The following PCDHA2 variants were observed in gnomAD, a reference collection of about 807,000 sequenced individuals.
The protein encoded by PCDHA2 is protocadherin alpha 2.
A neutral mutation model predicts 66.0 loss-of-function variants in PCDHA2; 58 were observed. That is an observed-to-expected ratio of 0.88 (90% CI 0.71 to 1.09). PCDHA2 has a LOEUF of 1.09. PCDHA2 is among the 50% of genes least tolerant of loss of function. PCDHA2 has a pLI of 0.00. For synonymous variants in PCDHA2, 634 were observed against 554.0 expected, an observed-to-expected ratio of 1.14 and a Z score of -2.03; for missense variants, 1,267 against 1,242.3, an observed-to-expected ratio of 1.02 and a Z score of -0.30.
chr5:140,877,507 T>G, intron 1 of PCDHA2: 1 of 1,613,744 alleles, frequency 6.2e-7, no homozygotes, highest in Non-Finnish European at 8.5e-7. Flanking sequence ...CCCAAAGACG[T>G]CGTCGCGGGC....
chr5:140,803,627 T>C (rs782685933), intron 1 of PCDHA2: 7 of 1,613,964 alleles, frequency 4.3e-6, no homozygotes, highest in Admixed American at 3.3e-5. Context: ...CAAAATGTCT[T>C]TGTTTTTCAT....
At chr5:140,803,243 G>C in intron 1 of PCDHA2, 1 of 1,613,826 alleles carries the variant, frequency 6.2e-7, no homozygotes, top group Non-Finnish European at 8.5e-7. Flanking sequence ...CGTCCCAGGC[G>C]TCCGCTGGCG....
intron 1 of PCDHA2, chr5:140,828,532 G>A (rs1239720499): frequency 6.2e-7 from 1 of 1,614,280 alleles, no homozygotes; most frequent in African/African-American, 1.3e-5. Context: ...AATCTAGGCT[G>A]CCAGATTCTG....
intron 1 of PCDHA2, chr5:140,884,110 G>A: frequency 6.2e-7 from 1 of 1,613,438 alleles, no homozygotes; most frequent in Non-Finnish European, 8.5e-7. Flanking sequence ...TGCAGCTGGC[G>A]GCGGTCGGCG....
At chr5:140,885,313 A>G (rs2060560221) in intron 1 of PCDHA2, among the ~76,000 whole-genome samples, 1 of 152,144 alleles carries the variant, frequency 6.6e-6, no homozygotes, top group East Asian at 1.9e-4. Flanking sequence ...GCTTTTTGTT[A>G]TTATTTCTTT....
At chr5:140,829,903 C>T (rs2150177416) in intron 1 of PCDHA2, 3 of 1,613,978 alleles carry the variant, frequency 1.9e-6, no homozygotes, top group Non-Finnish European at 1.7e-6. Flanking sequence ...CAGGCTACAA[C>T]GCGTGGCTTT....
chr5:140,934,925 A>G (rs2090105619), intron 1 of PCDHA2, among the ~76,000 whole-genome samples: 1 of 152,196 alleles, frequency 6.6e-6, no homozygotes, highest in African/African-American at 2.4e-5. Context: ...ATTCACATAA[A>G]GTTACAAAAC....
intron 3 of PCDHA2, among the ~76,000 whole-genome samples, chr5:141,000,414 TA>T (rs1441995674): frequency 2.8e-4 from 28 of 99,544 alleles, no homozygotes; most frequent in African/African-American, 3.7e-4. Flanking sequence ...TATATATATA[TA>T]TATATATTTT....
chr5:140,996,172 C>G (rs1694773459), intron 3 of PCDHA2, among the ~76,000 whole-genome samples: 1 of 152,210 alleles, frequency 6.6e-6, no homozygotes, highest in African/African-American at 2.4e-5. Flanking sequence ...AATGTGCTGA[C>G]AGCACCTCCA....
rs2150168385 is a variant in PCDHA2 at position 140,829,460 on chromosome 5, C to T, written c.2388+32108C>T. On this transcript the variant is annotated intron_variant, in intron 1 of 3. Transcript: ENST00000526136. ...GAATGACAATGCTCCGGCGTTCGCG[C>T]AGCCCGAGTACACAGTGTTCGTGAA... 20 of 1,613,778 alleles carry T rather than the reference C, an allele frequency of 1.2e-5. No homozygotes were observed. The African/African-American group carries it at 2.5e-4, about 20-fold the overall frequency.
chr5:140,802,460 T>A, intron 1 of PCDHA2: 1 of 1,614,154 alleles, frequency 6.2e-7, no homozygotes, highest in Non-Finnish European at 8.5e-7. Context: ...TGTCGGCCTA[T>A]GAGCTGGTGG....
chr5:140,871,257 G>C (rs374337862), intron 1 of PCDHA2: 21 of 1,613,824 alleles, frequency 1.3e-5, no homozygotes, highest in East Asian at 2.2e-5. Context: ...TGCTGTATAC[G>C]GCGCTGTGGT....
At chr5:140,973,398 C>G (rs2096585734) in intron 1 of PCDHA2, among the ~76,000 whole-genome samples, 1 of 152,230 alleles carries the variant, frequency 6.6e-6, no homozygotes, top group East Asian at 1.9e-4. Flanking sequence ...GAAATCATAT[C>G]TATGAGCTTC....
At position 140,881,397 on chromosome 5, in the gene PCDHA2, T is replaced by C. The variant is rs571341331; in HGVS notation, c.2388+84045T>C. On this transcript the variant is annotated intron_variant, in intron 1 of 3. Transcript: ENST00000526136. ...CAGCCGGCGGCGGTAAGTTAAATTC[T>C]ATTAAATCAATAGGATATTAGTTCC... 20 of 979,006 alleles carry C rather than the reference T, an allele frequency of 2.0e-5. No homozygotes were observed. In the African/African-American group the frequency reaches 3.5e-4, roughly 17 times the overall value. 60.6% of individuals were successfully genotyped at this position (979,006 alleles called of 1,614,324 possible). A position where few individuals can be genotyped will look rare whatever the true frequency, so the allele number is the denominator to read the frequency against.
At chr5:140,990,022 G>C (rs891983888) in intron 3 of PCDHA2, among the ~76,000 whole-genome samples, 1 of 152,156 alleles carries the variant, frequency 6.6e-6, no homozygotes, top group Non-Finnish European at 1.5e-5. Flanking sequence ...GCTAGGCAAA[G>C]GATGGGAGAA....
chr5:140,846,369 CTTTCTTTTT>C lies in PCDHA2; in HGVS notation c.2388+49021_2388+49029del, dbSNP rs1780378875. Among the ~76,000 whole-genome samples the C allele has an allele frequency of 1.9e-4, 19 of 102,176 alleles. 2 individuals are homozygous for C. In the South Asian group the frequency reaches 2.3e-3, roughly 12 times the overall value. The allele number at this position is 102,176 out of a possible 152,430, so 67.0% of individuals were successfully genotyped here. On this transcript the variant is annotated intron_variant, in intron 1 of 3. Transcript: ENST00000526136. ...TTCTCTTTTTTCTTTTCTTTTCTTT[CTTTCTTTTT>C]TTTTTTTTTTTTTTGAGACGGAGTC...
intron 1 of PCDHA2, chr5:140,817,098 T>C (rs1766065585): frequency 6.6e-6 from 1 of 152,248 alleles, no homozygotes; most frequent in African/African-American, 2.4e-5. Flanking sequence ...GCCACCCAGC[T>C]CTTTATTATT....
chr5:140,822,604 G>C (rs2150117733), intron 1 of PCDHA2: 5 of 1,608,224 alleles, frequency 3.1e-6, no homozygotes, highest in Middle Eastern at 1.7e-4. Context: ...TAAGGAAATA[G>C]TGTATTTCTT....
intron 1 of PCDHA2, chr5:140,927,041 T>C: frequency 6.2e-7 from 1 of 1,612,456 alleles, no homozygotes; most frequent in South Asian, 1.1e-5. Flanking sequence ...GCGGCCGCTA[T>C]GTCCTCGCGG....
Sources: allele counts gnomAD v4.1 joint callset (sites outside exome capture counted in the v4.1 genomes callset), GRCh38; gene constraint gnomAD v4.1.1; transcripts MANE v1.5; gene names NCBI Gene and HGNC (gene_info 2026-07-23, HGNC 2026-07-21).